Variants in NBPF12 observed in about 807,000 individuals in gnomAD.
NBPF12 encodes NBPF member 12, also known as NBPF family member NBPF12.
NBPF12 carries 115 observed loss-of-function variants against 146.4 expected under a neutral mutation model. The ratio of observed to expected loss-of-function variants is 0.79; its 90% CI spans 0.68 to 0.92. The LOEUF is 0.92. Ranked by LOEUF, NBPF12 falls within the 40% of genes least tolerant of loss-of-function variation. NBPF12 has a pLI of 0.00. For synonymous variants in NBPF12, 385 were observed against 508.9 expected (o/e 0.76, Z 3.28); for missense variants, 1,205 against 1,326.8 (o/e 0.91, Z 1.43).
rs1231541094 is a variant in NBPF12, at chr1:146,973,257, A to T, written c.1801+297A>T. On this transcript the variant is annotated intron_variant, in intron 14 of 33. Coordinates refer to ENST00000617844, the Ensembl canonical transcript of NBPF12. ...CAAGAGGCTCAATCGTGTTTTCAAGAATCCTCTCTGTACCATATAAGATCC... is the reference window on the plus strand; with the variant it reads ...CAAGAGGCTCAATCGTGTTTTCAAGTATCCTCTCTGTACCATATAAGATCC... 3.3e-5 allele frequency among the ~76,000 whole-genome samples: 5 copies of T among 151,336 alleles called. No individual in the cohort carries two copies. The East Asian group carries it at 9.7e-4, about 29-fold the overall frequency.
rs1553885684 is a variant in NBPF12, at chr1:146,966,640, G to A, written c.955G>A (p.Ala319Thr). The stretch of plus-strand genomic sequence containing the variant: ...AGAGAAATGTTTTGTAACTCAACTG[G>A]CCGGCTTCCTGGCCAAGCAGCAGAA... Residue 319 changes from alanine (A) to threonine (T), a missense_variant, in exon 9 of 34, where the codon GCC becomes ACC. Coordinates refer to ENST00000617844, the Ensembl canonical transcript of NBPF12. 11 of 1,505,302 alleles carry A rather than the reference G, an allele frequency of 7.3e-6. No individual in the cohort carries two copies. In the East Asian group the frequency reaches 2.0e-4, roughly 28 times the overall value. 93.2% of individuals were successfully genotyped at this position (1,505,302 alleles called of 1,614,324 possible). A position where few individuals can be genotyped will look rare whatever the true frequency, so the allele number is the denominator to read the frequency against.
upstream of NBPF12, among the ~76,000 whole-genome samples, chr1:146,938,457 G>C (rs879015973): frequency 6.6e-6 from 1 of 152,122 alleles, no homozygotes; most frequent in Non-Finnish European, 1.5e-5. Flanking sequence ...CGGGGAAATC[G>C]GCGAATTGCA....
intron 11 of NBPF12, among the ~76,000 whole-genome samples, chr1:146,969,836 G>A (rs1157051275): frequency 6.6e-6 from 1 of 151,244 alleles, no homozygotes; most frequent in African/African-American, 2.4e-5. Context: ...GCAAGAGGCA[G>A]CATCTATCTA....
At chr1:146,966,580 C>T (rs1656224578) in exon 9 of NBPF12, 1 of 1,445,420 alleles carries the variant, frequency 6.9e-7, no homozygotes, top group African/African-American at 1.4e-5. Context: ...GCGCCCCCAG[C>T]TGGCAGAGAA....
exon 8 of NBPF12, chr1:146,965,052 A>G: frequency 1.9e-6 from 3 of 1,608,316 alleles, no homozygotes; most frequent in Non-Finnish European, 1.7e-6. Context: ...CTGTGGTTGT[A>G]GACAGAAAAT....
exon 34 of NBPF12, chr1:146,994,879 G>T (rs1424483047): frequency 1.9e-5 from 9 of 482,684 alleles, no homozygotes; most frequent in Admixed American, 6.9e-5. Context: ...ATTTCATTTT[G>T]CAGGCATGTC....
At chr1:146,981,379 G>T (rs1657379737) in intron 19 of NBPF12, among the ~76,000 whole-genome samples, 2 of 147,228 alleles carry the variant, frequency 1.4e-5, no homozygotes, top group Non-Finnish European at 3.0e-5. Flanking sequence ...GTTGAATATT[G>T]CTCCCACTCT....
chr1:146,994,300 G>T (rs782427839), intron 33 of NBPF12, 32 bp from the exon 37 acceptor site: 15 of 1,611,270 alleles, frequency 9.3e-6, no homozygotes, highest in Middle Eastern at 2.3e-4. Context: ...GACTTTCCCT[G>T]GCTGCTTCTT....
At chr1:146,969,978 T>G (rs1168511382) in intron 11 of NBPF12, among the ~76,000 whole-genome samples, 10 of 150,472 alleles carry the variant, frequency 6.6e-5, no homozygotes. Flanking sequence ...GTGAGTGATT[T>G]ATCTTTCCAG....
chr1:146,945,153 AT>A (rs1277350933), upstream of NBPF12, among the ~76,000 whole-genome samples: 1 of 134,382 alleles, frequency 7.4e-6, no homozygotes, highest in Non-Finnish European at 1.6e-5. Context: ...TCTCTCTCTC[AT>A]GCTCTCTCTT....
intron 16 of NBPF12, among the ~76,000 whole-genome samples, chr1:146,976,661 A>AG (rs1271298984): frequency 4.0e-5 from 6 of 151,744 alleles, no homozygotes; most frequent in Admixed American, 2.0e-4. Context: ...AAGTCCAGAG[A>AG]GAGGCTGCAC....
upstream of NBPF12, among the ~76,000 whole-genome samples, chr1:146,948,840 C>T (rs1248635290): frequency 4.9e-4 from 74 of 151,476 alleles, no homozygotes; most frequent in African/African-American, 1.7e-3. Context: ...TGGAATGTCT[C>T]GGTGTAAAGC....
chr1:146,945,010 TC>T (rs1559515011), upstream of NBPF12, among the ~76,000 whole-genome samples: 2 of 18,200 alleles, frequency 1.1e-4, no homozygotes, highest in Non-Finnish European at 2.0e-4. Context: ...CTCCCTTCCT[TC>T]CTCCCTCCCT....
chr1:146,969,896 G>C (rs1269688508), intron 11 of NBPF12, among the ~76,000 whole-genome samples: 4,728 of 150,900 alleles, frequency 0.031, 393 homozygotes, highest in African/African-American at 0.11. Context: ...TTGTTGGAGT[G>C]AAAAGAGCTC....
At position 146,942,769 on chromosome 1, in the gene NBPF12, AC is replaced by A. The variant is rs1654864827; in HGVS notation, c.-821-520del. Among the ~76,000 whole-genome samples, 6 of 133,314 alleles carry A rather than the reference AC, an allele frequency of 4.5e-5. No homozygotes were observed. The South Asian group carries it at 1.4e-3, about 30-fold the overall frequency. 87.5% of individuals were successfully genotyped at this position (133,314 alleles called of 152,430 possible). ...CTGTAGAATATACGGGTACAGATAG[AC>A]CAGATAGACCAGTAGATGAGATTCC... is the stretch of plus-strand genomic sequence containing the variant. On this transcript the variant is annotated intron_variant, in intron 1 of 35. Transcript: ENST00000617931.
chr1:146,950,046 G>A (rs2795739), intron 1 of NBPF12, among the ~76,000 whole-genome samples: 3 of 152,032 alleles, frequency 2.0e-5, no homozygotes, highest in African/African-American at 4.8e-5. Context: ...GTCTCATCAC[G>A]TTAAGAGGCT....
At chr1:146,970,954 A>G (rs1375977465) in intron 12 of NBPF12, among the ~76,000 whole-genome samples, 4 of 151,234 alleles carry the variant, frequency 2.6e-5, no homozygotes, top group Non-Finnish European at 5.9e-5. Flanking sequence ...CTCAGCTCCT[A>G]TTTGTCCAGT....
chr1:146,970,074 C>T (rs1159420143), intron 11 of NBPF12, among the ~76,000 whole-genome samples: 2 of 149,702 alleles, frequency 1.3e-5, no homozygotes, highest in East Asian at 3.9e-4. Context: ...CTTACGAATG[C>T]TTTTCAAAAT....
chr1:146,947,717 C>A (rs1365592269), upstream of NBPF12, among the ~76,000 whole-genome samples: 1 of 144,610 alleles, frequency 6.9e-6, no homozygotes, highest in Non-Finnish European at 1.5e-5. Flanking sequence ...AAGCAGACTT[C>A]ATTATATTTA....
Sources: allele counts gnomAD v4.1 joint callset (sites outside exome capture counted in the v4.1 genomes callset), GRCh38; gene constraint gnomAD v4.1.1; transcripts MANE v1.5; gene names NCBI Gene and HGNC (gene_info 2026-07-23, HGNC 2026-07-21).